NAALADL2: variants seen among roughly 807,000 people sequenced by gnomAD.
The protein encoded by NAALADL2 is inactive N-acetylated-alpha-linked acidic dipeptidase-like protein 2.
NAALADL2 carries 76 observed loss-of-function variants against 87.2 expected under a neutral mutation model. The ratio of observed to expected loss-of-function variants is 0.87; its 90% CI spans 0.72 to 1.05. NAALADL2 has a LOEUF of 1.05. Among genes scored for constraint, NAALADL2 ranks in the 50% least tolerant of loss-of-function variants. The pLI is 0.00. For missense variants in NAALADL2, 1,089 were observed against 945.8 expected (o/e 1.15, Z -1.99); for synonymous variants, 354 against 331.0 (o/e 1.07, Z -0.75).
intron 2 of NAALADL2, among the ~76,000 whole-genome samples, chr3:174,623,084 C>T (rs1286179067): frequency 6.6e-6 from 1 of 152,046 alleles, no homozygotes; most frequent in African/African-American, 2.4e-5. Flanking sequence ...GTGGGCATCC[C>T]TAGGGGCACT....
intron 2 of NAALADL2, among the ~76,000 whole-genome samples, chr3:174,562,988 A>G (rs918496770): frequency 6.6e-6 from 1 of 152,144 alleles, no homozygotes; most frequent in Non-Finnish European, 1.5e-5. Flanking sequence ...ACTCAGTAAT[A>G]AATACTTTAA....
At chr3:175,742,297 T>G (rs181871277) in intron 12 of NAALADL2, among the ~76,000 whole-genome samples, 52 of 152,330 alleles carry the variant, frequency 3.4e-4, no homozygotes, top group Admixed American at 1.8e-3. Flanking sequence ...GACTTTCCCC[T>G]TTGGCTTAGT....
intron 1 of NAALADL2, among the ~76,000 whole-genome samples, chr3:174,492,717 T>C (rs1718280778): frequency 6.6e-6 from 1 of 152,236 alleles, no homozygotes; most frequent in East Asian, 1.9e-4. Flanking sequence ...AATGCTCTTG[T>C]ATTATTTCTA....
At chr3:175,028,361 A>AATAT (rs1752445567) in intron 1 of NAALADL2, among the ~76,000 whole-genome samples, 1 of 152,098 alleles carries the variant, frequency 6.6e-6, no homozygotes. Flanking sequence ...AAAGTCGCTA[A>AATAT]ATATATGGGT....
chr3:175,656,231 A>C (rs192683014), intron 11 of NAALADL2, among the ~76,000 whole-genome samples: 87 of 152,280 alleles, frequency 5.7e-4, no homozygotes, highest in African/African-American at 2.1e-3. Context: ...GTATAGTCCC[A>C]CTATTCAAAT....
intron 2 of NAALADL2, among the ~76,000 whole-genome samples, chr3:174,726,749 C>T (rs539577645): frequency 1.1e-4 from 17 of 152,190 alleles, no homozygotes; most frequent in South Asian, 2.1e-4. Flanking sequence ...CTCAGGATTT[C>T]GTGTTCTCAG....
At chr3:175,349,339 G>A (rs902307514) in intron 5 of NAALADL2, among the ~76,000 whole-genome samples, 1 of 152,058 alleles carries the variant, frequency 6.6e-6, no homozygotes, top group East Asian at 1.9e-4. Context: ...TACTAAACAG[G>A]GGAGGTGCAT....
At chr3:175,112,210 G>A (rs988109276) in intron 2 of NAALADL2, among the ~76,000 whole-genome samples, 10 of 151,276 alleles carry the variant, frequency 6.6e-5, no homozygotes, top group Non-Finnish European at 1.5e-4. Context: ...GCTTCTTGGA[G>A]TGTTGCCCAG....
At chr3:175,341,228 G>A (rs975161709) in intron 5 of NAALADL2, among the ~76,000 whole-genome samples, 2 of 152,048 alleles carry the variant, frequency 1.3e-5, no homozygotes, top group Non-Finnish European at 2.9e-5. Context: ...TACTCTGGAT[G>A]TTTTCTATAA....
rs1214821845 is a variant in NAALADL2, at chr3:175,684,177, T to TAACA, written c.1897-53127_1897-53124dup. Among the ~76,000 whole-genome samples, 5 of 151,550 alleles carry TAACA rather than the reference T, an allele frequency of 3.3e-5. No homozygotes were observed. In the East Asian group the frequency reaches 7.8e-4, roughly 24 times the overall value. On this transcript the variant is annotated intron_variant, in intron 11 of 13. Coordinates refer to ENST00000454872, the MANE Select transcript of NAALADL2 (RefSeq NM_207015.3). ...TTTAAAAAAAAAAAAGAATTTACAA[T>TAACA]AACAACAGCAGCAACAACAAAAATA...
chr3:175,213,456 T>C (rs1742058244), intron 2 of NAALADL2, among the ~76,000 whole-genome samples: 1 of 152,150 alleles, frequency 6.6e-6, no homozygotes, highest in Non-Finnish European at 1.5e-5. Context: ...TCTAGTGTTA[T>C]GGAGATATTC....
At chr3:175,581,448 A>C (rs1719767087) in intron 10 of NAALADL2, among the ~76,000 whole-genome samples, 1 of 152,144 alleles carries the variant, frequency 6.6e-6, no homozygotes, top group Non-Finnish European at 1.5e-5. Flanking sequence ...TCTCTAAATA[A>C]ATAAATAAAT....
chr3:175,302,437 A>C (rs1263158070), intron 4 of NAALADL2, among the ~76,000 whole-genome samples: 1 of 152,166 alleles, frequency 6.6e-6, no homozygotes, highest in Non-Finnish European at 1.5e-5. Context: ...GCACTCTAGT[A>C]AACTTTTTCA....
intron 2 of NAALADL2, among the ~76,000 whole-genome samples, chr3:174,565,161 G>A (rs1560059335): frequency 6.6e-6 from 1 of 151,898 alleles, no homozygotes; most frequent in Non-Finnish European, 1.5e-5. Flanking sequence ...AGCCAATATT[G>A]ATTCAGTATT....
chr3:175,802,697 A>G (rs1394277824), intron 13 of NAALADL2, among the ~76,000 whole-genome samples: 2 of 147,460 alleles, frequency 1.4e-5, no homozygotes, highest in Non-Finnish European at 2.9e-5. Flanking sequence ...AAATCTAGAA[A>G]CATCAGATTC....
At chr3:174,783,086 T>G (rs762023942) in intron 3 of NAALADL2, among the ~76,000 whole-genome samples, 1 of 152,208 alleles carries the variant, frequency 6.6e-6, no homozygotes, top group Non-Finnish European at 1.5e-5. Context: ...GACATACAGA[T>G]GTTAAAAAGC....
At chr3:174,581,316 CA>C (rs768944521) in intron 2 of NAALADL2, among the ~76,000 whole-genome samples, 64 of 151,840 alleles carry the variant, frequency 4.2e-4, no homozygotes, top group Non-Finnish European at 8.7e-4. Context: ...AAAGTATATG[CA>C]AAACATGAAA....
chr3:174,649,730 C>G (rs1160513946), intron 2 of NAALADL2, among the ~76,000 whole-genome samples: 1 of 152,126 alleles, frequency 6.6e-6, no homozygotes, highest in African/African-American at 2.4e-5. Flanking sequence ...TACATACACA[C>G]AGATGAATGG....
intron 13 of NAALADL2, among the ~76,000 whole-genome samples, chr3:175,791,771 G>T (rs1447685154): frequency 4.6e-5 from 7 of 151,288 alleles, no homozygotes; most frequent in Admixed American, 4.6e-4. Context: ...TATATATACA[G>T]TATATTTTTT....
Sources: gnomAD v4.1 joint callset for allele counts (sites outside exome capture counted in the v4.1 genomes callset) on GRCh38, gnomAD v4.1.1 for gene constraint, MANE v1.5 for transcripts, NCBI Gene and HGNC (gene_info 2026-07-23, HGNC 2026-07-21) for gene names.